VRK2: variants seen among roughly 807,000 people sequenced by gnomAD.
VRK2 encodes VRK serine/threonine kinase 2, also known as serine/threonine-protein kinase VRK2.
VRK2 carries 60 observed loss-of-function variants against 57.6 expected under a neutral mutation model. That is an observed-to-expected ratio of 1.04 (90% CI 0.85 to 1.29). VRK2 has a LOEUF of 1.29. Ranked by LOEUF, VRK2 falls within the 50% of genes most tolerant of loss-of-function variation. VRK2 has a pLI of 0.00. For missense variants in VRK2, 705 were observed against 588.1 expected (o/e 1.20, Z -2.06); for synonymous variants, 231 against 199.2 (o/e 1.16, Z -1.35).
intron 1 of VRK2, among the ~76,000 whole-genome samples, chr2:57,951,874 G>GT (rs1393297225): frequency 1.3e-5 from 2 of 149,710 alleles, no homozygotes; most frequent in Non-Finnish European, 3.0e-5. Context: ...CTCCTGAGTA[G>GT]TTTAAACTAC....
chr2:58,111,085 A>G (rs1264975117), intron 7 of VRK2, among the ~76,000 whole-genome samples: 3 of 152,232 alleles, frequency 2.0e-5, no homozygotes, highest in South Asian at 2.1e-4. Context: ...ATCACAAAGT[A>G]TCAAAATGGA....
At chr2:58,133,439 T>C (rs1014040978) in intron 9 of VRK2, among the ~76,000 whole-genome samples, 5 of 152,224 alleles carry the variant, frequency 3.3e-5, no homozygotes, top group Non-Finnish European at 7.3e-5. Context: ...AAACTTATTA[T>C]AGTACATAAT....
At chr2:57,922,454 T>TTGTGTGTGTG (rs59731064) in intron 1 of VRK2, among the ~76,000 whole-genome samples, 2,060 of 147,050 alleles carry the variant, frequency 0.014, 24 homozygotes, top group Non-Finnish European at 0.021. Context: ...AGTTACCTTC[T>TTGTGTGTGTG]TGTGTGTGTG....
intron 1 of VRK2, among the ~76,000 whole-genome samples, chr2:57,953,709 G>A (rs1671496043): frequency 6.6e-6 from 1 of 151,898 alleles, no homozygotes; most frequent in Admixed American, 6.6e-5. Flanking sequence ...GTAACATGTT[G>A]ATGGCCACGC....
chr2:58,085,052 T>C (rs1162965611), intron 4 of VRK2, 102 bp downstream of exon 4: 2 of 1,060,506 alleles, frequency 1.9e-6, no homozygotes, highest in East Asian at 2.8e-5. Context: ...TTCTTTTCAA[T>C]AGAAATTTTA....
At chr2:57,930,700 T>C in intron 1 of VRK2, among the ~76,000 whole-genome samples, 1 of 152,174 alleles carries the variant, frequency 6.6e-6, no homozygotes, top group East Asian at 1.9e-4. Context: ...GTATTCATCT[T>C]ACAACTGAAA....
intron 1 of VRK2, among the ~76,000 whole-genome samples, chr2:58,023,343 A>T (rs1191501941): frequency 6.6e-6 from 1 of 152,178 alleles, no homozygotes; most frequent in Non-Finnish European, 1.5e-5. Context: ...CATTGTGTGT[A>T]TATGTGTGTG....
intron 1 of VRK2, among the ~76,000 whole-genome samples, chr2:58,006,326 G>A (rs1673242802): frequency 6.6e-6 from 1 of 152,156 alleles, no homozygotes; most frequent in African/African-American, 2.4e-5. Flanking sequence ...GTGAAGAATG[G>A]ACCAAAAGGT....
At chr2:58,126,397 A>G (rs1417642432) in intron 8 of VRK2, among the ~76,000 whole-genome samples, 4 of 152,084 alleles carry the variant, frequency 2.6e-5, no homozygotes, top group Non-Finnish European at 5.9e-5. Context: ...TTGAGTTTTT[A>G]TAATGAAGGA....
At chr2:58,080,488 T>C (rs1038980378) in intron 2 of VRK2, among the ~76,000 whole-genome samples, 1 of 151,668 alleles carries the variant, frequency 6.6e-6, no homozygotes, top group Non-Finnish European at 1.5e-5. Flanking sequence ...ATGTTGTTAA[T>C]TTTTTTTCCT....
At chr2:58,158,467 CTGTT>C (rs1018192745) in intron 12 of VRK2, among the ~76,000 whole-genome samples, 1 of 152,062 alleles carries the variant, frequency 6.6e-6, no homozygotes, top group African/African-American at 2.4e-5. Flanking sequence ...AAGGGGAGGG[CTGTT>C]TGTTTGAAGG....
chr2:58,127,783 C>T (rs750800085), intron 8 of VRK2, among the ~76,000 whole-genome samples: 2 of 152,160 alleles, frequency 1.3e-5, no homozygotes, highest in Non-Finnish European at 1.5e-5. Context: ...TTCAAGTTCA[C>T]TTCATTATTT....
chr2:57,940,394 T>C (rs939405482), intron 1 of VRK2, among the ~76,000 whole-genome samples: 8 of 152,328 alleles, frequency 5.3e-5, no homozygotes, highest in South Asian at 2.1e-4. Context: ...ACAGGTTAGA[T>C]GGTGCCCACC....
At chr2:57,931,018 T>C (rs1001965455) in intron 1 of VRK2, among the ~76,000 whole-genome samples, 2 of 152,130 alleles carry the variant, frequency 1.3e-5, no homozygotes, top group African/African-American at 4.8e-5. Flanking sequence ...TGCATTCATA[T>C]ATTATATATT....
intron 7 of VRK2, 110 bp downstream of exon 7, chr2:58,089,833 G>C: frequency 1.4e-6 from 1 of 698,656 alleles, no homozygotes; most frequent in Non-Finnish European, 2.5e-6. Flanking sequence ...GTAACATGAT[G>C]AATGTTGTAA....
At chr2:58,121,538 A>C (rs1677507602) in intron 7 of VRK2, among the ~76,000 whole-genome samples, 1 of 152,208 alleles carries the variant, frequency 6.6e-6, no homozygotes, top group Admixed American at 6.5e-5. Context: ...AAAGAGAGAC[A>C]AACTGAAATA....
At chr2:58,001,983 A>T (rs1673104199) in intron 1 of VRK2, among the ~76,000 whole-genome samples, 1 of 152,260 alleles carries the variant, frequency 6.6e-6, no homozygotes, top group South Asian at 2.1e-4. Flanking sequence ...ACCACTATCA[A>T]TTCTGTCAGA....
intron 4 of VRK2, 143 bp downstream of exon 4, chr2:58,085,093 A>G (rs1406846777): frequency 2.7e-5 from 18 of 656,982 alleles, no homozygotes; most frequent in Non-Finnish European, 3.7e-5. Flanking sequence ...CTGTTACAAC[A>G]TATAAAAGCA....
At chr2:58,083,047 A>G (rs1365854403) in intron 2 of VRK2, among the ~76,000 whole-genome samples, 2 of 151,798 alleles carry the variant, frequency 1.3e-5, no homozygotes, top group African/African-American at 4.8e-5. Flanking sequence ...ATTTTAATAA[A>G]TATATTGAAT....
Sources: allele counts gnomAD v4.1 joint callset (sites outside exome capture counted in the v4.1 genomes callset), GRCh38; gene constraint gnomAD v4.1.1; transcripts MANE v1.5; gene names NCBI Gene and HGNC (gene_info 2026-07-23, HGNC 2026-07-21).